The following ROBO2 variants were observed in gnomAD, a reference collection of about 807,000 sequenced individuals.
The protein encoded by ROBO2 is roundabout homolog 2.
Under a neutral mutation model 160.8 loss-of-function variants are expected in ROBO2, and 53 were observed. The ratio of observed to expected loss-of-function variants is 0.33; its 90% CI spans 0.26 to 0.41. The LOEUF (loss-of-function observed/expected upper bound fraction) is 0.41. Among genes scored for constraint, ROBO2 ranks in the 10% least tolerant of loss-of-function variants. ROBO2 has a pLI of 1.00. For synonymous variants in ROBO2, 664 were observed against 611.7 expected (o/e 1.09, Z -1.26); for missense variants, 1,577 against 1,722.4 (o/e 0.92, Z 1.49).
chr3:76,966,036 C>T (rs1289854408), intron 2 of ROBO2, among the ~76,000 whole-genome samples: 1 of 150,606 alleles, frequency 6.6e-6, no homozygotes, highest in Non-Finnish European at 1.5e-5. Flanking sequence ...GCTTCTCCTG[C>T]CTCAGCCTCC....
At chr3:76,015,670 A>G (rs1187920907) in intron 2 of ROBO2, among the ~76,000 whole-genome samples, 1 of 152,212 alleles carries the variant, frequency 6.6e-6, no homozygotes, top group Non-Finnish European at 1.5e-5. Flanking sequence ...GATGGCGCAC[A>G]CAATCCATTT....
intron 2 of ROBO2, among the ~76,000 whole-genome samples, chr3:76,894,169 T>C (rs760992436): frequency 6.6e-6 from 1 of 152,176 alleles, no homozygotes; most frequent in Non-Finnish European, 1.5e-5. Flanking sequence ...TCACTAAACC[T>C]ATTACCAATA....
chr3:77,563,453 C>A, intron 11 of ROBO2, 124 bp downstream of exon 12: 1 of 941,824 alleles, frequency 1.1e-6, no homozygotes, highest in South Asian at 1.4e-5. Flanking sequence ...AAGAATTGAT[C>A]TCTTCTCTCT....
At chr3:77,635,131 T>C in intron 24 of ROBO2, 88 bp downstream of exon 25, 2 of 1,430,474 alleles carry the variant, frequency 1.4e-6, no homozygotes, top group Non-Finnish European at 1.9e-6. Context: ...TCATGGTAGA[T>C]TAGCCATTGC....
At chr3:76,078,170 A>G (rs1376528041) in intron 2 of ROBO2, among the ~76,000 whole-genome samples, 1 of 152,122 alleles carries the variant, frequency 6.6e-6, no homozygotes, top group Non-Finnish European at 1.5e-5. Flanking sequence ...CTGTGTTTTC[A>G]TTATTGGTTG....
chr3:77,277,773 A>G (rs780704281), intron 2 of ROBO2, among the ~76,000 whole-genome samples: 3 of 152,138 alleles, frequency 2.0e-5, no homozygotes, highest in Non-Finnish European at 4.4e-5. Flanking sequence ...ACATGTACAT[A>G]TATCTTTTTG....
intron 2 of ROBO2, among the ~76,000 whole-genome samples, chr3:76,490,459 TAGCA>T (rs2079756426): frequency 6.6e-6 from 1 of 152,166 alleles, no homozygotes; most frequent in Non-Finnish European, 1.5e-5. Context: ...TAAGTTTTAA[TAGCA>T]AAGCGAAATG....
At chr3:77,153,359 A>AAT in intron 2 of ROBO2, among the ~76,000 whole-genome samples, 1 of 152,100 alleles carries the variant, frequency 6.6e-6, no homozygotes, top group East Asian at 1.9e-4. Flanking sequence ...CCATGAATGA[A>AAT]ATATGGTCAT....
chr3:76,652,824 T>C (rs745776904), intron 2 of ROBO2, among the ~76,000 whole-genome samples: 1 of 152,074 alleles, frequency 6.6e-6, no homozygotes, highest in Non-Finnish European at 1.5e-5. Flanking sequence ...AAATAAAGAA[T>C]AGTACCATTA....
rs541668245 is a variant in ROBO2 at position 76,336,221 on chromosome 3, G to A, written c.109+398619G>A. 2.5e-4 allele frequency among the ~76,000 whole-genome samples: 25 copies of A among 99,372 alleles called. No individual in the cohort carries two copies. The East Asian group carries it at 8.8e-3, about 35-fold the overall frequency. 65.2% of individuals were successfully genotyped at this position (99,372 alleles called of 152,430 possible). A position where few individuals can be genotyped will look rare whatever the true frequency, so the allele number is the denominator to read the frequency against. ...GATAACTTGAGATCACTGTATGTAC[G>A]TAGCAAGAAGAAAAAAAGGAAAAGA... On this transcript the variant is annotated intron_variant, in intron 2 of 26. Transcript: ENST00000487694.
At chr3:75,962,307 G>A (rs1261782246) in intron 2 of ROBO2, among the ~76,000 whole-genome samples, 1 of 151,734 alleles carries the variant, frequency 6.6e-6, no homozygotes, top group Non-Finnish European at 1.5e-5. Flanking sequence ...ATTTCTTTCT[G>A]TTTATGTCAC....
At chr3:77,618,742 ATTAC>A (rs1410277499) in intron 22 of ROBO2, among the ~76,000 whole-genome samples, 6 of 152,202 alleles carry the variant, frequency 3.9e-5, no homozygotes, top group South Asian at 2.1e-4. Context: ...AAGGAAGAGT[ATTAC>A]TTAAAGATTA....
chr3:77,085,794 G>A (rs1486641304), intron 1 of ROBO2, among the ~76,000 whole-genome samples: 2 of 152,060 alleles, frequency 1.3e-5, no homozygotes, highest in Admixed American at 1.3e-4. Flanking sequence ...TCATAAAGGT[G>A]TCATTTAGAA....
intron 2 of ROBO2, among the ~76,000 whole-genome samples, chr3:76,542,047 C>G (rs2082846328): frequency 6.6e-6 from 1 of 152,144 alleles, no homozygotes. Flanking sequence ...CACTTAAGTG[C>G]AGTACTTCAT....
chr3:76,390,286 T>C (rs999910415), intron 2 of ROBO2, among the ~76,000 whole-genome samples: 1 of 152,122 alleles, frequency 6.6e-6, no homozygotes, highest in Non-Finnish European at 1.5e-5. Context: ...TGAGTCCCTT[T>C]ATTACATTAA....
intron 2 of ROBO2, among the ~76,000 whole-genome samples, chr3:76,569,251 T>C (rs2084803433): frequency 6.6e-6 from 1 of 152,128 alleles, no homozygotes; most frequent in African/African-American, 2.4e-5. Flanking sequence ...TTTCTGGGTC[T>C]AGAACAATAA....
intron 2 of ROBO2, among the ~76,000 whole-genome samples, chr3:77,148,011 C>T (rs1174859487): frequency 3.9e-5 from 6 of 152,198 alleles, no homozygotes; most frequent in Non-Finnish European, 5.9e-5. Flanking sequence ...CACACAGAGA[C>T]GCGAGGCCTG....
chr3:76,630,922 T>C (rs2089991993), intron 2 of ROBO2, among the ~76,000 whole-genome samples: 2 of 152,132 alleles, frequency 1.3e-5, no homozygotes, highest in Non-Finnish European at 2.9e-5. Flanking sequence ...ATGGGACAAA[T>C]CTGGAACACA....
In ROBO2 at chr3:76,353,521, T is replaced by C. The variant is rs118053497; in HGVS notation, c.109+415919T>C. 1.5e-3 allele frequency among the ~76,000 whole-genome samples: 227 copies of C among 152,106 alleles called. 5 individuals carry two copies. The East Asian group carries it at 0.041, about 28-fold the overall frequency. On this transcript the variant is annotated intron_variant, in intron 2 of 26. Coordinates refer to the ROBO2 transcript ENST00000487694. ...TGCACATTCAGCCACATCTGCTTTG[T>C]TGCCTAACATTTCTCATACTCATTG...
Sources: allele counts gnomAD v4.1 joint callset (sites outside exome capture counted in the v4.1 genomes callset), GRCh38; gene constraint gnomAD v4.1.1; transcripts MANE v1.5; gene names NCBI Gene and HGNC (gene_info 2026-07-23, HGNC 2026-07-21).